GRIK4: variants seen among roughly 807,000 people sequenced by gnomAD.
The protein encoded by GRIK4 is glutamate ionotropic receptor kainate type subunit 4.
In GRIK4, 40 loss-of-function variants were observed where a neutral mutation model predicts 104.9. That is an observed-to-expected ratio of 0.38 (90% CI 0.30 to 0.50). The LOEUF (loss-of-function observed/expected upper bound fraction) is 0.50, where lower values mean the gene tolerates loss of function less well. GRIK4 is among the 20% of genes least tolerant of loss of function. The pLI, the probability that GRIK4 is intolerant of heterozygous loss-of-function variation, is 0.93. For synonymous variants in GRIK4, 485 were observed against 524.9 expected (o/e 0.92, Z 1.04); for missense variants, 1,047 against 1,308.1 (o/e 0.80, Z 3.08).
intron 3 of GRIK4, among the ~76,000 whole-genome samples, chr11:120,711,333 G>A (rs1350200527): frequency 6.6e-6 from 1 of 152,184 alleles, no homozygotes; most frequent in East Asian, 1.9e-4. Context: ...ACCAAGGTGG[G>A]ACGAGATGTT....
intron 1 of GRIK4, among the ~76,000 whole-genome samples, chr11:120,644,390 A>G (rs1017086223): frequency 2.0e-5 from 3 of 152,200 alleles, no homozygotes; most frequent in Admixed American, 1.3e-4. Context: ...TGTGTGAAGT[A>G]TTTGCATGCA....
chr11:120,816,411 CG>C (rs1174584521), intron 5 of GRIK4, among the ~76,000 whole-genome samples: 2 of 148,694 alleles, frequency 1.3e-5, no homozygotes, highest in African/African-American at 5.0e-5. Context: ...TGGGTGGGGG[CG>C]GGGGCAGGGA....
chr11:120,687,548 C>T (rs1950294998), intron 3 of GRIK4, among the ~76,000 whole-genome samples: 1 of 151,072 alleles, frequency 6.6e-6, no homozygotes, highest in South Asian at 2.1e-4. Flanking sequence ...GTTGTTTTTT[C>T]CCTCTTAGAT....
chr11:120,515,312 A>G (rs1947712550), intron 1 of GRIK4, among the ~76,000 whole-genome samples: 1 of 152,180 alleles, frequency 6.6e-6, no homozygotes, highest in Non-Finnish European at 1.5e-5. Flanking sequence ...ATGACCTCGG[A>G]CAAGTTGCCT....
intron 3 of GRIK4, among the ~76,000 whole-genome samples, chr11:120,766,179 T>G (rs889996397): frequency 2.6e-5 from 4 of 152,238 alleles, no homozygotes; most frequent in Non-Finnish European, 5.9e-5. Context: ...AGAGGCAGTC[T>G]GCCTGCAGTG....
chr11:120,588,897 G>T (rs552082342), intron 1 of GRIK4, among the ~76,000 whole-genome samples: 1 of 152,160 alleles, frequency 6.6e-6, no homozygotes, highest in Non-Finnish European at 1.5e-5. Flanking sequence ...GTCGGTATAG[G>T]GGGTAGAGCT....
Position 120,607,471 on chromosome 11 carries a change from G to A in GRIK4, c.-158-46214G>A, listed in dbSNP as rs7944239. On this transcript the variant is annotated intron_variant, in intron 1 of 20. Coordinates refer to ENST00000527524, the MANE Select transcript of GRIK4 (RefSeq NM_014619.5). ...GGCCCTGTGGGCATCTGCACGGTGG[G>A]TGAGGGGAGGGAGGAGTCAAGTCTG... Among the ~76,000 whole-genome samples the A allele has an allele frequency of 3.9e-3, 588 of 152,338 alleles. 6 individuals are homozygous for A. The highest frequency in any genetic ancestry group is 0.013 in the African/African-American group (552 of 41,572).
intron 1 of GRIK4, among the ~76,000 whole-genome samples, chr11:120,536,710 G>T (rs573087168): frequency 6.6e-6 from 1 of 152,302 alleles, no homozygotes; most frequent in East Asian, 1.9e-4. Context: ...ATGAGGCTCG[G>T]CAGGGAAAGA....
At chr11:120,514,467 G>A (rs905884375) in intron 1 of GRIK4, among the ~76,000 whole-genome samples, 9 of 152,180 alleles carry the variant, frequency 5.9e-5, no homozygotes, top group Non-Finnish European at 1.3e-4. Flanking sequence ...GTGCTGTTGG[G>A]CTCGTTGCTG....
At chr11:120,752,290 A>T (rs1951569259) in intron 3 of GRIK4, among the ~76,000 whole-genome samples, 1 of 152,234 alleles carries the variant, frequency 6.6e-6, no homozygotes, top group Admixed American at 6.5e-5. Context: ...ATGAAGCCAC[A>T]ACTCTACTTG....
chr11:120,739,530 T>C lies in GRIK4; in HGVS notation c.83-63163T>C, dbSNP rs544801368. Reference sequence around the variant, plus strand: ...AATGAGGTTAGAGTTGCAGGGACCATGGAGATGATTTTCTAGGTGAGAAAA... The same window carrying C: ...AATGAGGTTAGAGTTGCAGGGACCACGGAGATGATTTTCTAGGTGAGAAAA... On this transcript the variant is annotated intron_variant, in intron 3 of 20. Transcript: ENST00000527524. Among the ~76,000 whole-genome samples the C allele has an allele frequency of 3.9e-5, 6 of 152,316 alleles. No homozygotes were observed. In the East Asian group the frequency reaches 7.7e-4, roughly 20 times the overall value.
intron 1 of GRIK4, among the ~76,000 whole-genome samples, chr11:120,588,421 C>T (rs1208693785): frequency 6.6e-6 from 1 of 152,086 alleles, no homozygotes; most frequent in Admixed American, 6.5e-5. Flanking sequence ...TGCAGTGGGC[C>T]CTCTATGGTC....
chr11:120,764,646 G>T (rs547739986), intron 3 of GRIK4, among the ~76,000 whole-genome samples: 1 of 151,956 alleles, frequency 6.6e-6, no homozygotes, highest in Non-Finnish European at 1.5e-5. Context: ...TGTAAGGCAG[G>T]CCTGGTGGTG....
intron 1 of GRIK4, among the ~76,000 whole-genome samples, chr11:120,566,510 AAAG>A (rs1394495727): frequency 6.6e-6 from 1 of 152,208 alleles, no homozygotes. Flanking sequence ...GATTTGGAAT[AAAG>A]AAGGTGCTGA....
intron 3 of GRIK4, among the ~76,000 whole-genome samples, chr11:120,670,707 A>G (rs571778784): frequency 6.7e-6 from 1 of 150,214 alleles, no homozygotes; most frequent in Non-Finnish European, 1.5e-5. Context: ...TCTTTTTTTT[A>G]TTTTTATTTT....
chr11:120,537,372 G>A (rs1218236880), intron 1 of GRIK4, among the ~76,000 whole-genome samples: 1 of 152,208 alleles, frequency 6.6e-6, no homozygotes, highest in East Asian at 1.9e-4. Flanking sequence ...GAACTCTGCA[G>A]AGGGCCTCAG....
intron 14 of GRIK4, among the ~76,000 whole-genome samples, chr11:120,946,158 G>A (rs1298673160): frequency 3.9e-5 from 6 of 152,236 alleles, no homozygotes; most frequent in South Asian, 2.1e-4. Flanking sequence ...TCTATTTGAC[G>A]TTAGAGTATA....
At chr11:120,757,950 G>C (rs1951681186) in intron 3 of GRIK4, among the ~76,000 whole-genome samples, 1 of 152,226 alleles carries the variant, frequency 6.6e-6, no homozygotes, top group African/African-American at 2.4e-5. Flanking sequence ...CCATGGGATT[G>C]ATGATGTAGA....
At chr11:120,736,102 G>A (rs1951216809) in intron 3 of GRIK4, among the ~76,000 whole-genome samples, 1 of 152,090 alleles carries the variant, frequency 6.6e-6, no homozygotes, top group South Asian at 2.1e-4. Flanking sequence ...TATTCCCTGG[G>A]TATCACTGTT....
Sources: gnomAD v4.1 joint callset for allele counts (sites outside exome capture counted in the v4.1 genomes callset) on GRCh38, gnomAD v4.1.1 for gene constraint, MANE v1.5 for transcripts, NCBI Gene and HGNC (gene_info 2026-07-23, HGNC 2026-07-21) for gene names.